Variants in DDX17 observed in about 807,000 individuals in gnomAD.
DDX17 encodes probable ATP-dependent RNA helicase DDX17.
Under a neutral mutation model 80.8 loss-of-function variants are expected in DDX17, and 10 were observed. The observed-to-expected ratio is 0.12, with a 90% CI of 0.08 to 0.21. The LOEUF is 0.21. Among genes scored for constraint, DDX17 ranks in the 10% least tolerant of loss-of-function variants. DDX17 has a pLI of 1.00. For missense variants in DDX17, 586 were observed against 957.4 expected, an observed-to-expected ratio of 0.61 and a Z score of 5.12; for synonymous variants, 339 against 336.2, an observed-to-expected ratio of 1.01 and a Z score of -0.09.
At chr22:38,486,536 C>CT in intron 12 of DDX17, 96 bp from the exon 13 acceptor site, 1 of 1,431,274 alleles carries the variant, frequency 7.0e-7, no homozygotes, top group Non-Finnish European at 9.2e-7. Context: ...TTAAACATGT[C>CT]TCCTTGATAT....
chr22:38,490,465 A>G (rs1306974965), intron 11 of DDX17: 2 of 1,288,046 alleles, frequency 1.6e-6, no homozygotes, highest in Non-Finnish European at 2.0e-6. Flanking sequence ...AAATAAATTC[A>G]ATACTTTTAG....
chr22:38,488,211 A>AT (rs1247994662), intron 11 of DDX17, 96 bp from the exon 12 acceptor site: 1 of 1,603,210 alleles, frequency 6.2e-7, no homozygotes, highest in South Asian at 1.1e-5. Context: ...ACGAATGCAG[A>AT]TGACAGCAAG....
At chr22:38,488,735 T>C in intron 11 of DDX17, 2 of 986,008 alleles carry the variant, frequency 2.0e-6, no homozygotes, top group South Asian at 4.7e-5. Flanking sequence ...TACACACCTA[T>C]TTTCCTTTGC....
chr22:38,500,168 T>C lies in DDX17; in HGVS notation c.439-669A>G, dbSNP rs1232210247. On this transcript the variant is annotated intron_variant, in intron 2 of 12. Coordinates refer to ENST00000403230, the MANE Select transcript of DDX17 (RefSeq NM_006386.5). ...TCTAGCCTAGGGGACAGAGTGAGAC[T>C]TCACCTCAAAAAAAAAAAAAGCCAA... is the stretch of plus-strand genomic sequence containing the variant. Among the ~76,000 whole-genome samples the C allele has an allele frequency of 5.7e-5, 3 of 52,490 alleles. No homozygotes were observed. In the East Asian group the frequency reaches 1.3e-3, roughly 23 times the overall value. The allele number at this position is 52,490 out of a possible 152,430, so 34.4% of individuals were successfully genotyped here. A position where few individuals can be genotyped will look rare whatever the true frequency, so the allele number is the denominator to read the frequency against.
rs144402360 is a variant in DDX17 at position 38,485,974 on chromosome 22, G to A, written c.2151C>T (p.Tyr717=). 908 of 1,613,872 alleles carry A rather than the reference G, an allele frequency of 5.6e-4. 7 individuals are homozygous for A. In the African/African-American group the frequency reaches 0.011, roughly 19 times the overall value. Residue 717 remains tyrosine, a synonymous_variant, in exon 13 of 13, where the codon TAC becomes TAT. Transcript: ENST00000403230. ...GAGGAGGAGGGGGAGGAGGAGGAGG[G>A]TATTGGTAGGCAGTCTGCCCCATGT...
chr22:38,491,402 A>T (rs1393316960), intron 11 of DDX17: 1 of 152,196 alleles, frequency 6.6e-6, no homozygotes, highest in Non-Finnish European at 1.5e-5. Context: ...AAACTACCAT[A>T]AAATTCTCTG....
rs370771614 is a variant in DDX17 at position 38,489,084 on chromosome 22, C to T, written c.1448-969G>A. The T allele has an allele frequency of 5.1e-6, 5 of 983,766 alleles. No homozygotes were observed. In the African/African-American group the frequency reaches 8.7e-5, roughly 17 times the overall value. 60.9% of individuals were successfully genotyped at this position (983,766 alleles called of 1,614,324 possible). ...GTATATTTTTACCTACTTAAACAAA[C>T]AATTTTAAGAATATAACAAAGAATC... On this transcript the variant is annotated intron_variant, in intron 11 of 12. Coordinates refer to ENST00000403230, the MANE Select transcript of DDX17 (RefSeq NM_006386.5). The surrounding 1 kb of genome is among the most constrained non-coding windows in gnomAD (Gnocchi z 4.6).
intron 2 of DDX17, among the ~76,000 whole-genome samples, chr22:38,500,600 G>A (rs537389914): frequency 2.6e-5 from 4 of 151,862 alleles, no homozygotes; most frequent in East Asian, 3.9e-4. Flanking sequence ...CCTGAGGTCC[G>A]AGGTCCGGAG....
chr22:38,488,463 T>C (rs1044336855), intron 11 of DDX17: 1 of 1,141,654 alleles, frequency 8.8e-7, no homozygotes. Flanking sequence ...TACTATCCTT[T>C]ACAAAACCAG....
chr22:38,486,127 G>A lies in DDX17; in HGVS notation c.1998C>T (p.Thr666=), dbSNP rs778793449. ...AGCTCTGTGAACTTCTCCCAGTTGA[G>A]GTGGTGCTACTAGCTCCATAAGTGC... Residue 666 remains threonine (T), a synonymous_variant, in exon 13 of 13, where the codon ACC becomes ACT. Coordinates refer to ENST00000403230, the MANE Select transcript of DDX17 (RefSeq NM_006386.5). The A allele has an allele frequency of 9.3e-6, 15 of 1,614,074 alleles. No homozygotes were observed. In the Admixed American group the frequency reaches 2.5e-4, roughly 27 times the overall value.
chr22:38,503,743 C>T (rs1298240575), intron 1 of DDX17, among the ~76,000 whole-genome samples: 5 of 152,218 alleles, frequency 3.3e-5, no homozygotes, highest in African/African-American at 1.2e-4. Context: ...AAAAACCATA[C>T]TACTTCAAAT....
At chr22:38,493,664 G>C (rs1289382677) in intron 10 of DDX17, 46 bp downstream of exon 10, 1 of 1,432,390 alleles carries the variant, frequency 7.0e-7, no homozygotes, top group East Asian at 2.3e-5. Context: ...TTCACTTATG[G>C]GCAGGGGGTG....
Position 38,500,747 on chromosome 22 carries a change from G to A in DDX17, c.438+383C>T, listed in dbSNP as rs1285281891. Among the ~76,000 whole-genome samples the A allele has an allele frequency of 2.3e-4, 33 of 145,250 alleles. 1 individual carries two copies. In the Admixed American group the frequency reaches 2.3e-3, roughly 10 times the overall value. The stretch of plus-strand genomic sequence containing the variant: ...CAGTAGAATCGCTTGAACCCAGGAG[G>A]CGGAGGTTGCAGTGAGCCAAGATCA... On this transcript the variant is annotated intron_variant, in intron 2 of 12. Coordinates refer to ENST00000403230, the MANE Select transcript of DDX17 (RefSeq NM_006386.5).
Position 38,506,295 on chromosome 22 carries a change from C to G in DDX17, c.-58G>C, listed in dbSNP as rs993309031. 3 of 1,494,232 alleles carry G rather than the reference C, an allele frequency of 2.0e-6. No individual in the cohort carries two copies. The highest frequency in any genetic ancestry group is 1.8e-4 in the Middle Eastern group (1 of 5,666). 92.6% of individuals were successfully genotyped at this position (1,494,232 alleles called of 1,614,324 possible). A position where few individuals can be genotyped will look rare whatever the true frequency, so the allele number is the denominator to read the frequency against. On this transcript the variant is annotated 5_prime_UTR_variant, in exon 1 of 13. Coordinates refer to ENST00000403230, the MANE Select transcript of DDX17 (RefSeq NM_006386.5). ...GTTTAGGCGTCTCCTTCCTTCCCAG[C>G]GACTGCACAAAATGGCGGCCGCCGC...
chr22:38,485,911 G>C lies in DDX17; in HGVS notation c.*24C>G, dbSNP rs375975453. ...TCCTTAAAATGTAATTAAGTCTGCT[G>C]GAGTCACTACCACTTGAGTGGTTTC... On this transcript the variant is annotated 3_prime_UTR_variant, in exon 13 of 13. Transcript: ENST00000403230. 27 of 1,612,356 alleles carry C rather than the reference G, an allele frequency of 1.7e-5. No individual in the cohort carries two copies. In the African/African-American group the frequency reaches 3.2e-4, roughly 19 times the overall value.
rs1467436146 is a variant in DDX17 at position 38,505,988 on chromosome 22, C to T, written c.250G>A (p.Gly84Ser). The change falls in exon 1 of 13, where the codon GGC becomes AGC. Residue 84 changes from glycine to serine, a missense_variant. Coordinates refer to ENST00000403230, the MANE Select transcript of DDX17 (RefSeq NM_006386.5). ...CGATCCCGGTCCCGGTCCCCAAAGC[C>T]TCCTCCGCGCATGGTCCCAAAAGGA... 6.9e-6 allele frequency: 11 copies of T among 1,593,458 alleles called. No individual in the cohort carries two copies. Among genetic ancestry groups the T allele is most frequent in the Non-Finnish European group, 9.4e-6 (11 of 1,170,462 alleles).
chr22:38,505,478 T>C (rs960497436), intron 1 of DDX17: 3 of 158,322 alleles, frequency 1.9e-5, no homozygotes, highest in African/African-American at 4.8e-5. Context: ...CAGTGAACTC[T>C]GGGGAGAGAA....
intron 2 of DDX17, among the ~76,000 whole-genome samples, 181 bp from the exon 3 acceptor site, chr22:38,499,680 A>C (rs1414828667): frequency 6.6e-6 from 1 of 152,222 alleles, no homozygotes; most frequent in Non-Finnish European, 1.5e-5. Flanking sequence ...TTTGTAAGTT[A>C]ATTAATGATG....
chr22:38,491,584 T>C (rs562457123), intron 11 of DDX17: 57 of 153,068 alleles, frequency 3.7e-4, no homozygotes, highest in Non-Finnish European at 6.6e-4. Flanking sequence ...ATTAGACTTA[T>C]AAAATTCCAT....
Sources: gnomAD v4.1 joint callset for allele counts (sites outside exome capture counted in the v4.1 genomes callset) on GRCh38, gnomAD v4.1.1 for gene constraint, Gnocchi (gnomAD v3.1) non-coding constraint, MANE v1.5 for transcripts, NCBI Gene and HGNC (gene_info 2026-07-23, HGNC 2026-07-21) for gene names.